The following MED13L variants were observed in gnomAD, a reference collection of about 807,000 sequenced individuals.
MED13L encodes mediator complex subunit 13L, also known as mediator of RNA polymerase II transcription subunit 13-like.
MED13L carries 7 observed loss-of-function variants against 220.9 expected under a neutral mutation model. That is an observed-to-expected ratio of 0.03 (90% confidence interval 0.02 to 0.06). The LOEUF is 0.06. Ranked by LOEUF, MED13L falls within the 10% of genes least tolerant of loss-of-function variation. The probability of loss-of-function intolerance (pLI) is 1.00; values close to 1 mark genes in which losing one functional copy is unlikely to be tolerated. For synonymous variants in MED13L, 1,011 were observed against 1,015.2 expected (o/e 1.00, Z 0.08); for missense variants, 1,965 against 2,760.5 (o/e 0.71, Z 6.46).
rs2137287044 is a variant in MED13L at position 115,986,374 on chromosome 12, G to T, written c.4230C>A (p.Asp1410Glu). ...SLPFWERLLL[D>E]PYGGHRDVAY... Reference sequence around the variant, plus strand: ...CAACATCACGGTGGCCCCCATATGGGTCCAACAAGAGCCTCTCCCAAAACG... The same window carrying T: ...CAACATCACGGTGGCCCCCATATGGTTCCAACAAGAGCCTCTCCCAAAACG... The change falls in exon 19 of 31, where the codon GAC becomes GAA. Residue 1410 changes from aspartate (D) to glutamate (E), a missense_variant. Physicochemically the swap from Asp to Glu is conservative, Grantham distance 45. This residue lies in a region of MED13L where 510 missense variants were observed against 620.4 expected (regional missense o/e 0.82). Coordinates refer to ENST00000281928, the MANE Select transcript of MED13L (RefSeq NM_015335.5). The T allele has an allele frequency of 1.2e-6, 2 of 1,614,048 alleles. No homozygotes were observed. Among genetic ancestry groups the T allele is most frequent in the Non-Finnish European group, 1.7e-6 (2 of 1,179,992 alleles).
At chr12:116,102,161 C>T (rs1873113659) in intron 3 of MED13L, among the ~76,000 whole-genome samples, 1 of 152,188 alleles carries the variant, frequency 6.6e-6, no homozygotes, top group African/African-American at 2.4e-5. Flanking sequence ...TATGTGTGTA[C>T]CTAATGTTTC....
At chr12:116,173,434 T>C (rs1356737487) in intron 2 of MED13L, among the ~76,000 whole-genome samples, 6 of 152,214 alleles carry the variant, frequency 3.9e-5, no homozygotes, top group Non-Finnish European at 8.8e-5. Flanking sequence ...AGATAGGACT[T>C]ACTGTATTTT....
intron 29 of MED13L, 89 bp downstream of exon 29, chr12:115,965,993 G>T: frequency 6.9e-7 from 1 of 1,451,184 alleles, no homozygotes; most frequent in Non-Finnish European, 9.7e-7. Flanking sequence ...ATAAGATTAT[G>T]GTGACTAAAA....
intron 29 of MED13L, among the ~76,000 whole-genome samples, chr12:115,965,522 A>G (rs1366279501): frequency 1.3e-5 from 2 of 152,216 alleles, no homozygotes; most frequent in African/African-American, 4.8e-5. Context: ...TCTGTGGGCA[A>G]GAGATGGATT....
chr12:116,256,511 T>C (rs954832886), intron 1 of MED13L, among the ~76,000 whole-genome samples: 1 of 152,144 alleles, frequency 6.6e-6, no homozygotes, highest in African/African-American at 2.4e-5. Flanking sequence ...AAATGTTCTC[T>C]ACTTTGATTT....
At chr12:116,245,104 G>T (rs1436992350) in intron 1 of MED13L, among the ~76,000 whole-genome samples, 2 of 152,122 alleles carry the variant, frequency 1.3e-5, no homozygotes, top group Non-Finnish European at 2.9e-5. Flanking sequence ...AGGGTACCTG[G>T]ACTGCAGGAC....
chr12:116,232,816 G>A (rs1869690766), intron 2 of MED13L, among the ~76,000 whole-genome samples: 1 of 152,218 alleles, frequency 6.6e-6, no homozygotes, highest in South Asian at 2.1e-4. Context: ...GCCAGGCCCA[G>A]TGGCTCACGC....
chr12:116,267,753 C>A (rs1872941736), intron 1 of MED13L, among the ~76,000 whole-genome samples: 1 of 152,194 alleles, frequency 6.6e-6, no homozygotes, highest in African/African-American at 2.4e-5. Flanking sequence ...TAAAGGAATT[C>A]TGGATCAAGC....
chr12:116,026,173 A>G (rs1880380879), intron 4 of MED13L, among the ~76,000 whole-genome samples: 1 of 152,210 alleles, frequency 6.6e-6, no homozygotes, highest in Admixed American at 6.5e-5. Flanking sequence ...CCCTTGAGAC[A>G]TCGGAAGACT....
At chr12:116,118,496 T>A (rs1433896453) in intron 2 of MED13L, among the ~76,000 whole-genome samples, 1 of 152,148 alleles carries the variant, frequency 6.6e-6, no homozygotes, top group Non-Finnish European at 1.5e-5. Flanking sequence ...TATAAGCCAA[T>A]AACCACTCTA....
chr12:116,168,620 C>G (rs1441003838), intron 2 of MED13L, among the ~76,000 whole-genome samples: 1 of 152,048 alleles, frequency 6.6e-6, no homozygotes, highest in Non-Finnish European at 1.5e-5. Context: ...ATATAACCAC[C>G]CCACTGTCCA....
rs1267663048 is a variant in MED13L, at chr12:115,984,213, T to G, written c.4498A>C (p.Lys1500Gln). The stretch of plus-strand genomic sequence containing the variant: ...TGGCGGCAAACTTGCGCATAAAGTT[T>G]GAGTCTGGAATGATTGTCATTCTCC... Reference protein sequence around the residue: ...GEENDNHSRLKLYAQVCRHHL... With the variant: ...GEENDNHSRLQLYAQVCRHHL... Residue 1500 changes from lysine (K) to glutamine (Q), a missense_variant, in exon 20 of 31, where the codon AAA becomes CAA. Physicochemically the swap from Lys to Gln is moderately conservative, Grantham distance 53. This residue lies in a region of MED13L where 510 missense variants were observed against 620.4 expected (regional missense o/e 0.82). Transcript: ENST00000281928. The G allele has an allele frequency of 6.2e-7, 1 of 1,614,022 alleles. No individual in the cohort carries two copies. Among genetic ancestry groups the G allele is most frequent in the Non-Finnish European group, 8.5e-7 (1 of 1,179,972 alleles).
At chr12:116,185,658 C>CTT (rs923854746) in intron 2 of MED13L, among the ~76,000 whole-genome samples, 1 of 1,256 alleles carries the variant, frequency 8.0e-4, no homozygotes, top group African/African-American at 3.5e-3. Context: ...ACATGCTTTT[C>CTT]TTTTCTTTTC....
chr12:116,080,959 TA>T (rs1439452389), intron 4 of MED13L, among the ~76,000 whole-genome samples: 2 of 152,212 alleles, frequency 1.3e-5, no homozygotes, highest in African/African-American at 2.4e-5. Flanking sequence ...TAGGGCACTA[TA>T]AAAACAATAA....
At chr12:116,110,652 A>G (rs1289941027) in intron 3 of MED13L, among the ~76,000 whole-genome samples, 1 of 152,188 alleles carries the variant, frequency 6.6e-6, no homozygotes, top group East Asian at 1.9e-4. Flanking sequence ...AGTTAACAAA[A>G]TACTTATTAG....
At position 116,007,645 on chromosome 12, in the gene MED13L, CAAAAAAAAA is replaced by C. The variant is rs542425590; in HGVS notation, c.2013-18_2013-10del. Reference sequence around the variant, plus strand: ...TAGGTTGTGCTAAGAGTCTAAAAGACAAAAAAAAAAAAAAAAAAAAGAGCATTTATGCCT... The same window carrying C: ...TAGGTTGTGCTAAGAGTCTAAAAGACAAAAAAAAAAAGAGCATTTATGCCT... On this transcript the variant is annotated splice_polypyrimidine_tract_variant and intron_variant, in intron 10 of 30. Transcript: ENST00000281928. 8 of 759,912 alleles carry C rather than the reference CAAAAAAAAA, an allele frequency of 1.1e-5. No homozygotes were observed. Among genetic ancestry groups the C allele is most frequent in the Admixed American group, 8.4e-5 (2 of 23,868 alleles). 47.1% of individuals were successfully genotyped at this position (759,912 alleles called of 1,614,324 possible). A position where few individuals can be genotyped will look rare whatever the true frequency, so the allele number is the denominator to read the frequency against.
Position 116,276,892 on chromosome 12 carries a change from G to A in MED13L, c.72+168C>T, listed in dbSNP as rs867941930. The A allele has an allele frequency of 4.1e-6, 4 of 971,816 alleles. No individual in the cohort carries two copies. The African/African-American group carries it at 4.9e-5, about 12-fold the overall frequency. The allele number at this position is 971,816 out of a possible 1,614,324, so 60.2% of individuals were successfully genotyped here. On this transcript the variant is annotated intron_variant, in intron 1 of 30. Transcript: ENST00000281928. ...ATAAACACTGGATGGGATCCAAGGC[G>A]AGAGAGAGACGATCCAAAAGGGGGA...
intron 2 of MED13L, among the ~76,000 whole-genome samples, chr12:116,184,871 T>G (rs1185430995): frequency 6.6e-6 from 1 of 152,192 alleles, no homozygotes; most frequent in Non-Finnish European, 1.5e-5. Context: ...TACCAAATAT[T>G]TATGACCTAT....
Position 115,963,277 on chromosome 12 carries a change from C to T in MED13L, c.6500+130G>A, listed in dbSNP as rs1468896073. The T allele has an allele frequency of 9.2e-6, 7 of 761,952 alleles. No homozygotes were observed. The East Asian group carries it at 1.9e-4, about 20-fold the overall frequency. 47.2% of individuals were successfully genotyped at this position (761,952 alleles called of 1,614,324 possible). On this transcript the variant is annotated intron_variant, in intron 30 of 30. Coordinates refer to ENST00000281928, the MANE Select transcript of MED13L (RefSeq NM_015335.5). ...GGGACTGCAGCTCTCACTGACTCAT[C>T]AGATACTGTATCACTGCACAAACGG...
Sources: gnomAD v4.1 joint callset for allele counts (sites outside exome capture counted in the v4.1 genomes callset) on GRCh38, gnomAD v4.1.1 for gene constraint, gnomAD v4.1.1 regional missense constraint, MANE v1.5 for transcripts, NCBI Gene and HGNC (gene_info 2026-07-23, HGNC 2026-07-21) for gene names.